Variants in PBRM1 observed in about 807,000 individuals in gnomAD.
PBRM1 encodes protein polybromo-1.
PBRM1 carries 27 observed loss-of-function variants against 194.5 expected under a neutral mutation model. The ratio of observed to expected loss-of-function variants is 0.14; its 90% CI spans 0.10 to 0.19. The LOEUF (loss-of-function observed/expected upper bound fraction) is 0.19, where lower values mean the gene tolerates loss of function less well. Ranked by LOEUF, PBRM1 falls within the 10% of genes least tolerant of loss-of-function variation. PBRM1 has a pLI of 1.00. For synonymous variants in PBRM1, 655 were observed against 693.2 expected (o/e 0.94, Z 0.87); for missense variants, 1,466 against 2,077.2 (o/e 0.71, Z 5.72).
chr3:52,551,784 G>A (rs1208493926), intron 27 of PBRM1: 2 of 152,222 alleles, frequency 1.3e-5, no homozygotes, highest in Non-Finnish European at 2.9e-5. Context: ...ACTTCATAGT[G>A]TATAGTCCCT....
intron 3 of PBRM1, among the ~76,000 whole-genome samples, chr3:52,667,483 T>C (rs1291144840): frequency 6.6e-6 from 1 of 152,142 alleles, no homozygotes; most frequent in Non-Finnish European, 1.5e-5. Flanking sequence ...CCAGGCATGG[T>C]CGCTCACGCC....
At chr3:52,588,707 A>G (rs1386587896) in intron 18 of PBRM1, among the ~76,000 whole-genome samples, 2 of 151,900 alleles carry the variant, frequency 1.3e-5, no homozygotes, top group Non-Finnish European at 2.9e-5. Flanking sequence ...GGCGCCCGCC[A>G]CCAGGCCCAG....
At chr3:52,630,611 A>G (rs919771715) in intron 11 of PBRM1, among the ~76,000 whole-genome samples, 4 of 152,226 alleles carry the variant, frequency 2.6e-5, no homozygotes, top group African/African-American at 9.6e-5. Context: ...TCGTAGGCAC[A>G]GTAAGGCTCC....
intron 4 of PBRM1, among the ~76,000 whole-genome samples, chr3:52,661,034 AT>A (rs905644910): frequency 1.3e-5 from 2 of 150,240 alleles, no homozygotes; most frequent in African/African-American, 2.4e-5. Context: ...TCTGTCTTTC[AT>A]TTTTTTTTGA....
At chr3:52,601,532 G>A (rs2093993866) in intron 17 of PBRM1, among the ~76,000 whole-genome samples, 1 of 151,834 alleles carries the variant, frequency 6.6e-6, no homozygotes, top group Non-Finnish European at 1.5e-5. Context: ...AGGGGGTAAT[G>A]TTTGCTTGCC....
At chr3:52,668,417 C>G (rs2096882389) in intron 3 of PBRM1, 81 bp downstream of exon 4, 1 of 999,936 alleles carries the variant, frequency 1.0e-6, no homozygotes, top group African/African-American at 1.7e-5. Context: ...TACTCACCTG[C>G]CAGGTTTATA....
intron 29 of PBRM1, among the ~76,000 whole-genome samples, chr3:52,550,107 A>C (rs1575455388): frequency 6.6e-6 from 1 of 151,702 alleles, no homozygotes; most frequent in East Asian, 1.9e-4. Context: ...AATCCCAGCT[A>C]CTGGGGAGGC....
At chr3:52,616,141 C>T (rs1018679940) in intron 14 of PBRM1, among the ~76,000 whole-genome samples, 3 of 152,188 alleles carry the variant, frequency 2.0e-5, no homozygotes, top group Non-Finnish European at 4.4e-5. Context: ...GCTTTTTCCT[C>T]TACCAGTGAT....
chr3:52,654,866 C>A (rs1324908457), intron 5 of PBRM1, among the ~76,000 whole-genome samples: 2 of 151,960 alleles, frequency 1.3e-5, no homozygotes, highest in South Asian at 2.1e-4. Flanking sequence ...CAGCTCACTG[C>A]GGCCTTGAAC....
intron 2 of PBRM1, among the ~76,000 whole-genome samples, chr3:52,677,062 G>C (rs548486428): frequency 2.0e-5 from 3 of 152,200 alleles, no homozygotes; most frequent in Admixed American, 6.5e-5. Flanking sequence ...TAAAAGTTTG[G>C]AAAATTTGCA....
intron 5 of PBRM1, among the ~76,000 whole-genome samples, chr3:52,657,633 G>A (rs759302193): frequency 3.3e-5 from 5 of 151,270 alleles, no homozygotes; most frequent in Non-Finnish European, 7.4e-5. Flanking sequence ...TCACACCAGG[G>A]TAGATTTTAT....
In PBRM1 at chr3:52,595,185, T is replaced by C. The variant is rs563897505; in HGVS notation, c.2780-5930A>G. On this transcript the variant is annotated intron_variant, in intron 17 of 29. Coordinates refer to ENST00000296302, the Ensembl canonical transcript of PBRM1. ...AAGTTCCTTCAATCTTTAAAGTTGC[T>C]GTCCTTTGGCTATTTTTTTTTTCAT... Among the ~76,000 whole-genome samples the C allele has an allele frequency of 2.6e-5, 4 of 152,294 alleles. No individual in the cohort carries two copies. In the South Asian group the frequency reaches 8.3e-4, roughly 32 times the overall value.
rs141359610 is a variant in PBRM1 at position 52,656,945 on chromosome 3, A to T, written c.645+1254T>A. 6.4e-4 allele frequency among the ~76,000 whole-genome samples: 98 copies of T among 152,368 alleles called. 1 individual carries two copies. The highest frequency in any genetic ancestry group is 2.3e-3 in the African/African-American group (96 of 41,592). ...AAAACTTATAAACAAAAGGTATTATATAGAAATAACAAAATGCTATTCGGT... is the reference window on the plus strand; with the variant it reads ...AAAACTTATAAACAAAAGGTATTATTTAGAAATAACAAAATGCTATTCGGT... On this transcript the variant is annotated intron_variant, in intron 5 of 29. Coordinates refer to ENST00000296302, the Ensembl canonical transcript of PBRM1.
chr3:52,641,593 G>A (rs1025288843), intron 10 of PBRM1, among the ~76,000 whole-genome samples: 6 of 151,326 alleles, frequency 4.0e-5, no homozygotes, highest in South Asian at 2.1e-4. Flanking sequence ...GACAAGCCAA[G>A]AAGAAATTAG....
At position 52,599,700 on chromosome 3, in the gene PBRM1, C is replaced by T. The variant is rs564708783; in HGVS notation, c.2779+3821G>A. 2.6e-4 allele frequency among the ~76,000 whole-genome samples: 39 copies of T among 150,578 alleles called. 1 individual carries two copies. The South Asian group carries it at 3.4e-3, about 13-fold the overall frequency. ...AAAATTAACCAAGCGTGGTGATGGG[C>T]GCGCCTGTAATCCCAACTACTTGGG... is the stretch of plus-strand genomic sequence containing the variant. On this transcript the variant is annotated intron_variant, in intron 17 of 29. Coordinates refer to ENST00000296302, the Ensembl canonical transcript of PBRM1.
chr3:52,562,801 A>C (rs1350204593), intron 24 of PBRM1, among the ~76,000 whole-genome samples: 2 of 152,140 alleles, frequency 1.3e-5, no homozygotes, highest in Non-Finnish European at 2.9e-5. Context: ...TTGGCCTCCC[A>C]AAGTGCTGGG....
At chr3:52,647,734 C>T (rs2096364335) in intron 7 of PBRM1, among the ~76,000 whole-genome samples, 1 of 151,738 alleles carries the variant, frequency 6.6e-6, no homozygotes, top group Admixed American at 6.6e-5. Context: ...CGCAAAAAAT[C>T]CATATCACAT....
chr3:52,563,805 A>T (rs2084310302), intron 23 of PBRM1, among the ~76,000 whole-genome samples: 1 of 151,758 alleles, frequency 6.6e-6, no homozygotes, highest in South Asian at 2.1e-4. Flanking sequence ...TATAAACCAG[A>T]ACCAAGTGTT....
chr3:52,604,025 C>T (rs963336274), intron 16 of PBRM1, among the ~76,000 whole-genome samples: 6 of 152,156 alleles, frequency 3.9e-5, no homozygotes, highest in African/African-American at 1.4e-4. Context: ...ACGCATCAAT[C>T]GATTCTGGCA....
Sources: gnomAD v4.1 joint callset for allele counts (sites outside exome capture counted in the v4.1 genomes callset) on GRCh38, gnomAD v4.1.1 for gene constraint, MANE v1.5 for transcripts, NCBI Gene and HGNC (gene_info 2026-07-23, HGNC 2026-07-21) for gene names.